ANKS1B: variants seen among roughly 807,000 people sequenced by gnomAD.
ANKS1B encodes the protein ankyrin repeat and sterile alpha motif domain containing 1B.
Under a neutral mutation model 148.3 loss-of-function variants are expected in ANKS1B, and 36 were observed. The observed-to-expected ratio is 0.24, with a 90% confidence interval of 0.19 to 0.32. ANKS1B has a LOEUF of 0.32. Ranked by LOEUF, ANKS1B falls within the 10% of genes least tolerant of loss-of-function variation. The pLI is 1.00. For missense variants in ANKS1B, 1,157 were observed against 1,542.6 expected, an observed-to-expected ratio of 0.75 and a Z score of 4.19; for synonymous variants, 542 against 560.8, an observed-to-expected ratio of 0.97 and a Z score of 0.47.
chr12:99,055,914 A>G (rs2040033893), intron 16 of ANKS1B, among the ~76,000 whole-genome samples: 1 of 152,332 alleles, frequency 6.6e-6, no homozygotes. Flanking sequence ...AGCAACCATC[A>G]TATCAGGATT....
intron 12 of ANKS1B, among the ~76,000 whole-genome samples, chr12:99,278,990 C>T (rs1047211548): frequency 6.6e-6 from 1 of 152,086 alleles, no homozygotes; most frequent in Admixed American, 6.6e-5. Flanking sequence ...CACTAGATTG[C>T]GAATCCCCTG....
intron 17 of ANKS1B, among the ~76,000 whole-genome samples, chr12:99,029,185 C>T (rs1480794791): frequency 6.6e-6 from 1 of 152,174 alleles, no homozygotes; most frequent in Non-Finnish European, 1.5e-5. Flanking sequence ...CTAAAAATGA[C>T]ATGAGAGTAG....
chr12:99,443,351 C>T (rs1011157340), intron 11 of ANKS1B, among the ~76,000 whole-genome samples: 3 of 151,788 alleles, frequency 2.0e-5, no homozygotes, highest in African/African-American at 7.3e-5. Context: ...CAGGAAACAC[C>T]AGAAAATATG....
chr12:98,979,490 C>T (rs2099905634), intron 17 of ANKS1B, among the ~76,000 whole-genome samples: 1 of 151,920 alleles, frequency 6.6e-6, no homozygotes, highest in Non-Finnish European at 1.5e-5. Flanking sequence ...CCAGGATGGT[C>T]TCGATCTCCT....
rs1812359967 is a variant in ANKS1B at position 98,749,434 on chromosome 12, T to TA, written c.3747+1920dup. ...AAACTTAGATTTTTGTGGAGGAAGA[T>TA]AGACAATAAGCCATCAGTAAAAAAC... is the stretch of plus-strand genomic sequence containing the variant. On this transcript the variant is annotated intron_variant, in intron 26 of 26. Transcript: ENST00000683438. Among the ~76,000 whole-genome samples the TA allele has an allele frequency of 2.0e-5, 3 of 152,176 alleles. No individual in the cohort carries two copies. In the South Asian group the frequency reaches 6.2e-4, roughly 32 times the overall value.
chr12:99,947,853 G>T (rs1315896189), intron 1 of ANKS1B, among the ~76,000 whole-genome samples: 3 of 152,138 alleles, frequency 2.0e-5, no homozygotes, highest in African/African-American at 7.2e-5. Flanking sequence ...TTGGCTGGAG[G>T]TTGCTCACAA....
intron 12 of ANKS1B, among the ~76,000 whole-genome samples, chr12:99,366,333 A>T (rs1410495383): frequency 1.3e-5 from 2 of 152,046 alleles, no homozygotes; most frequent in African/African-American, 4.8e-5. Flanking sequence ...TTTGTCTCTC[A>T]GCCTCAGGAC....
intron 17 of ANKS1B, among the ~76,000 whole-genome samples, chr12:99,016,618 TGCACTC>T (rs2099942695): frequency 6.6e-6 from 1 of 152,110 alleles, no homozygotes; most frequent in Non-Finnish European, 1.5e-5. Context: ...ATCATGCCAC[TGCACTC>T]CAGCCTGGGT....
chr12:99,273,366 T>C (rs772928936), intron 12 of ANKS1B, among the ~76,000 whole-genome samples: 39 of 152,144 alleles, frequency 2.6e-4, no homozygotes, highest in Non-Finnish European at 4.1e-4. Flanking sequence ...TGTTTACTAA[T>C]TGACAATTCG....
intron 17 of ANKS1B, among the ~76,000 whole-genome samples, chr12:98,914,636 C>T (rs2099791640): frequency 6.6e-6 from 1 of 152,114 alleles, no homozygotes; most frequent in South Asian, 2.1e-4. Context: ...AGCTCACTGG[C>T]CTCCCTTCAC....
At chr12:98,748,704 G>C (rs563608604) in intron 26 of ANKS1B, among the ~76,000 whole-genome samples, 7 of 152,286 alleles carry the variant, frequency 4.6e-5, no homozygotes, top group Admixed American at 2.6e-4. Context: ...GAGGGGGACT[G>C]ATCTTGAAGC....
chr12:99,458,007 G>C (rs2095875265), intron 10 of ANKS1B, among the ~76,000 whole-genome samples: 1 of 152,042 alleles, frequency 6.6e-6, no homozygotes, highest in Non-Finnish European at 1.5e-5. Context: ...CATTCTCCAA[G>C]ATAGACCATA....
At chr12:98,831,874 G>A (rs2099319276) in intron 18 of ANKS1B, 155 bp downstream of exon 18, 3 of 680,584 alleles carry the variant, frequency 4.4e-6, no homozygotes, top group East Asian at 5.6e-5. Flanking sequence ...CTCAGCCTCC[G>A]GAGTAGCTGG....
chr12:99,055,723 G>GC (rs201856449), intron 16 of ANKS1B, among the ~76,000 whole-genome samples: 149 of 149,598 alleles, frequency 1.0e-3, no homozygotes, highest in African/African-American at 3.1e-3. Flanking sequence ...TCTAAACTTG[G>GC]GGGGGGGGGA....
intron 1 of ANKS1B, among the ~76,000 whole-genome samples, chr12:99,976,429 G>A (rs917366804): frequency 8.5e-5 from 13 of 152,158 alleles, no homozygotes; most frequent in Admixed American, 5.2e-4. Flanking sequence ...TGAACTTGTA[G>A]TAATTAGAAA....
chr12:99,665,485 C>T (rs1263035047), intron 8 of ANKS1B, among the ~76,000 whole-genome samples: 2 of 151,028 alleles, frequency 1.3e-5, no homozygotes, highest in Non-Finnish European at 2.9e-5. Flanking sequence ...GGTTGTTCGA[C>T]TTCTTTTTTT....
intron 14 of ANKS1B, among the ~76,000 whole-genome samples, chr12:99,241,987 G>A (rs4762227): frequency 0.46 from 70,111 of 151,972 alleles, 18,495 homozygotes; most frequent in African/African-American, 0.74. Flanking sequence ...GAAAACCGGC[G>A]AAAGACAGGG....
At chr12:99,135,950 G>A (rs1451598300) in intron 15 of ANKS1B, among the ~76,000 whole-genome samples, 1 of 152,090 alleles carries the variant, frequency 6.6e-6, no homozygotes. Flanking sequence ...CTTCGGACAG[G>A]AAGACTAAGG....
intron 14 of ANKS1B, among the ~76,000 whole-genome samples, chr12:99,224,741 G>T (rs1210140173): frequency 6.6e-6 from 1 of 152,114 alleles, no homozygotes; most frequent in Admixed American, 6.6e-5. Flanking sequence ...TTATTTTAAA[G>T]AATAAGGAAA....
Sources: gnomAD v4.1 joint callset for allele counts (sites outside exome capture counted in the v4.1 genomes callset) on GRCh38, gnomAD v4.1.1 for gene constraint, MANE v1.5 for transcripts, NCBI Gene and HGNC (gene_info 2026-07-23, HGNC 2026-07-21) for gene names.